The following WDR41 variants were observed in gnomAD, a reference collection of about 807,000 sequenced individuals.
WDR41 encodes WD repeat domain 41.
WDR41 carries 63 observed loss-of-function variants against 69.3 expected under a neutral mutation model. The observed-to-expected ratio is 0.91, with a 90% CI of 0.74 to 1.12. The LOEUF (loss-of-function observed/expected upper bound fraction) is 1.12, where lower values mean the gene tolerates loss of function less well. Among genes scored for constraint, WDR41 ranks in the 50% most tolerant of loss-of-function variants. The probability of loss-of-function intolerance (pLI) is 0.00; values close to 1 mark genes in which losing one functional copy is unlikely to be tolerated. For missense variants in WDR41, 543 were observed against 534.5 expected, an observed-to-expected ratio of 1.02 and a Z score of -0.16; for synonymous variants, 185 against 192.1, an observed-to-expected ratio of 0.96 and a Z score of 0.31.
chr5:77,580,941 G>A (rs1743929028), intron 1 of WDR41, among the ~76,000 whole-genome samples: 1 of 151,620 alleles, frequency 6.6e-6, no homozygotes, highest in East Asian at 1.9e-4. Flanking sequence ...GGGTGACAGA[G>A]CAAGACTCCG....
chr5:77,549,845 T>A (rs1343108908), intron 1 of WDR41, among the ~76,000 whole-genome samples: 2 of 152,152 alleles, frequency 1.3e-5, no homozygotes, highest in Non-Finnish European at 2.9e-5. Flanking sequence ...CTTCAAATTA[T>A]TCTATAAGGC....
intron 2 of WDR41, among the ~76,000 whole-genome samples, chr5:77,482,341 G>A (rs1481833716): frequency 6.6e-6 from 1 of 152,110 alleles, no homozygotes; most frequent in Non-Finnish European, 1.5e-5. Context: ...ATCAAATTTA[G>A]CTGATCGTAA....
chr5:77,461,035 T>A (rs576013968), intron 4 of WDR41, among the ~76,000 whole-genome samples: 3 of 152,298 alleles, frequency 2.0e-5, no homozygotes, highest in Admixed American at 2.0e-4. Flanking sequence ...CAGGTAAAAT[T>A]CATAGTGACA....
chr5:77,456,501 C>T (rs542017033), intron 5 of WDR41, among the ~76,000 whole-genome samples: 1 of 152,278 alleles, frequency 6.6e-6, no homozygotes, highest in East Asian at 1.9e-4. Context: ...TTTCTATATA[C>T]ACAAGATCAT....
chr5:77,506,306 A>G (rs1471849651), intron 1 of WDR41, among the ~76,000 whole-genome samples: 2 of 152,234 alleles, frequency 1.3e-5, no homozygotes, highest in African/African-American at 4.8e-5. Context: ...ATCACTGGTC[A>G]TCAGAGAAAT....
intron 4 of WDR41, among the ~76,000 whole-genome samples, chr5:77,459,470 A>G (rs1394074419): frequency 6.6e-6 from 1 of 152,190 alleles, no homozygotes; most frequent in Non-Finnish European, 1.5e-5. Flanking sequence ...TAATAAGCAT[A>G]AAGTACTTAT....
intron 1 of WDR41, among the ~76,000 whole-genome samples, chr5:77,531,579 T>C (rs985543849): frequency 6.6e-6 from 1 of 151,908 alleles, no homozygotes; most frequent in African/African-American, 2.4e-5. Context: ...TGGAAAACAG[T>C]TGGTGGTTCC....
At chr5:77,538,334 T>C (rs1743026916) in intron 1 of WDR41, among the ~76,000 whole-genome samples, 1 of 152,212 alleles carries the variant, frequency 6.6e-6, no homozygotes, top group Non-Finnish European at 1.5e-5. Flanking sequence ...AGGAAGTACA[T>C]GTGCAGGTTT....
chr5:77,485,349 T>C (rs1420637744), intron 2 of WDR41, among the ~76,000 whole-genome samples: 1 of 152,218 alleles, frequency 6.6e-6, no homozygotes, highest in South Asian at 2.1e-4. Flanking sequence ...TTGAGAATAT[T>C]TCCTTTAAAA....
At chr5:77,464,715 C>T in intron 3 of WDR41, 46 bp downstream of exon 3, 1 of 1,580,560 alleles carries the variant, frequency 6.3e-7, no homozygotes, top group Non-Finnish European at 8.7e-7. Flanking sequence ...TACTCAACTA[C>T]ATCATCATAT....
At chr5:77,568,530 T>C (rs1372253145) in intron 1 of WDR41, among the ~76,000 whole-genome samples, 1 of 151,712 alleles carries the variant, frequency 6.6e-6, no homozygotes, top group Non-Finnish European at 1.5e-5. Flanking sequence ...GCAGTCACTT[T>C]GCAGTAACTG....
intron 2 of WDR41, among the ~76,000 whole-genome samples, chr5:77,475,872 T>C (rs1174549717): frequency 6.6e-6 from 1 of 152,046 alleles, no homozygotes; most frequent in Non-Finnish European, 1.5e-5. Flanking sequence ...GAAATTACTA[T>C]GAGCTACGGG....
chr5:77,615,175 A>G lies in WDR41; in HGVS notation c.42+5304T>C, dbSNP rs143701573. On this transcript the variant is annotated intron_variant, in intron 1 of 5. Transcript: ENST00000509971. ...TATTAATGTCACTGAATTGTCTAAA[A>G]AAGAAAAAAAGTCTTAAGACCACTC... is the stretch of plus-strand genomic sequence containing the variant. Among the ~76,000 whole-genome samples, 344 of 152,316 alleles carry G rather than the reference A, an allele frequency of 2.3e-3. 2 individuals are homozygous for G. The highest frequency in any genetic ancestry group is 7.8e-3 in the African/African-American group (324 of 41,564).
chr5:77,616,369 G>A (rs1744681298), intron 1 of WDR41, among the ~76,000 whole-genome samples: 1 of 152,158 alleles, frequency 6.6e-6, no homozygotes. Context: ...ATGCACATCT[G>A]CATACAGAAT....
chr5:77,516,642 A>T (rs1802295061), intron 1 of WDR41, among the ~76,000 whole-genome samples: 1 of 152,200 alleles, frequency 6.6e-6, no homozygotes, highest in South Asian at 2.1e-4. Flanking sequence ...TTATGACCCA[A>T]GACAATAGCA....
In WDR41 at chr5:77,582,678, G is replaced by A. The variant is rs1027120559; in HGVS notation, c.42+37801C>T. Reference sequence around the variant, plus strand: ...TCAGAATCAGAGGTATCAGTGCTGTGAGCCCAAAGGTCCGAAAGGTGTTGC... The same window carrying A: ...TCAGAATCAGAGGTATCAGTGCTGTAAGCCCAAAGGTCCGAAAGGTGTTGC... On this transcript the variant is annotated intron_variant, in intron 1 of 5. Coordinates refer to the WDR41 transcript ENST00000509971. 2.1e-5 allele frequency: 33 copies of A among 1,600,162 alleles called. 1 individual carries two copies. The East Asian group carries it at 6.2e-4, about 30-fold the overall frequency.
intron 2 of WDR41, 121 bp downstream of exon 2, chr5:77,489,336 T>A (rs1801662032): frequency 9.6e-6 from 5 of 518,734 alleles, no homozygotes; most frequent in Non-Finnish European, 1.6e-5. Flanking sequence ...TACTAAATGT[T>A]ACTAATGATC....
chr5:77,434,151 T>C (rs1202586891), intron 12 of WDR41, among the ~76,000 whole-genome samples: 3 of 151,752 alleles, frequency 2.0e-5, no homozygotes, highest in Non-Finnish European at 4.4e-5. Flanking sequence ...CCAAACATGG[T>C]GAAACCCTGT....
intron 8 of WDR41, among the ~76,000 whole-genome samples, chr5:77,449,026 T>G (rs1447175339): frequency 6.6e-6 from 1 of 152,098 alleles, no homozygotes; most frequent in Admixed American, 6.5e-5. Flanking sequence ...ACTATCAAAC[T>G]GAAGCCACCA....
Sources: gnomAD v4.1 joint callset for allele counts (sites outside exome capture counted in the v4.1 genomes callset) on GRCh38, gnomAD v4.1.1 for gene constraint, MANE v1.5 for transcripts, NCBI Gene and HGNC (gene_info 2026-07-23, HGNC 2026-07-21) for gene names.